The following RBFOX1 variants were observed in gnomAD, a reference collection of about 807,000 sequenced individuals.
RBFOX1 encodes the protein RNA binding fox-1 homolog 1.
In RBFOX1, 8 loss-of-function variants were observed where a neutral mutation model predicts 57.7. That is an observed-to-expected ratio of 0.14 (90% CI 0.08 to 0.25). The LOEUF (loss-of-function observed/expected upper bound fraction) is 0.25, where lower values mean the gene tolerates loss of function less well. Ranked by LOEUF, RBFOX1 falls within the 10% of genes least tolerant of loss-of-function variation. The pLI, the probability that RBFOX1 is intolerant of heterozygous loss-of-function variation, is 1.00. For synonymous variants in RBFOX1, 326 were observed against 222.4 expected, an observed-to-expected ratio of 1.47 and a Z score of -4.15; for missense variants, 611 against 548.5, an observed-to-expected ratio of 1.11 and a Z score of -1.14.
intron 2 of RBFOX1, among the ~76,000 whole-genome samples, chr16:6,495,973 T>C (rs2095757532): frequency 6.6e-6 from 1 of 152,218 alleles, no homozygotes; most frequent in Non-Finnish European, 1.5e-5. Flanking sequence ...GCTTATAAAG[T>C]ATTTAATATT....
chr16:5,835,909 C>G (rs1013938226), intron 3 of RBFOX1, among the ~76,000 whole-genome samples: 3 of 152,294 alleles, frequency 2.0e-5, no homozygotes, highest in Non-Finnish European at 4.4e-5. Flanking sequence ...CCTGGCCTTG[C>G]TCCTTGCACC....
chr16:5,501,337 A>AAAAAAAAAAAAAAAAAAAAAAT (rs2043190241), intron 2 of RBFOX1, among the ~76,000 whole-genome samples: 1 of 151,012 alleles, frequency 6.6e-6, no homozygotes, highest in Non-Finnish European at 1.5e-5. Context: ...AAAAAAAAAA[A>AAAAAAAAAAAAAAAAAAAAAAT]AAAAGAAAAA....
intron 1 of RBFOX1, among the ~76,000 whole-genome samples, chr16:5,294,716 G>T (rs2063619895): frequency 6.6e-6 from 1 of 151,958 alleles, no homozygotes; most frequent in African/African-American, 2.4e-5. Flanking sequence ...TGACCACTGG[G>T]GTGTTGCACT....
At chr16:6,640,539 C>T (rs538735784) in intron 2 of RBFOX1, among the ~76,000 whole-genome samples, 4 of 152,150 alleles carry the variant, frequency 2.6e-5, no homozygotes, top group South Asian at 2.1e-4. Flanking sequence ...ACCCGGGAAG[C>T]GGAGATTGCA....
chr16:6,589,018 T>C (rs1411115226), intron 2 of RBFOX1, among the ~76,000 whole-genome samples: 1 of 152,136 alleles, frequency 6.6e-6, no homozygotes, highest in Non-Finnish European at 1.5e-5. Flanking sequence ...CATCCCTTCA[T>C]CATTGAGGAA....
chr16:7,139,089 C>T (rs1205639547), intron 4 of RBFOX1, among the ~76,000 whole-genome samples: 1 of 152,006 alleles, frequency 6.6e-6, no homozygotes, highest in Non-Finnish European at 1.5e-5. Context: ...CAGGCATGAG[C>T]CACCATGCAT....
At chr16:5,772,331 C>G (rs575429579) in intron 3 of RBFOX1, among the ~76,000 whole-genome samples, 2 of 151,268 alleles carry the variant, frequency 1.3e-5, no homozygotes, top group African/African-American at 4.9e-5. Context: ...GCCGCCTCTC[C>G]TAACATCTTC....
Position 5,596,998 on chromosome 16 carries a change from C to G in RBFOX1, c.259-1904C>G, listed in dbSNP as rs112312331. Among the ~76,000 whole-genome samples the G allele has an allele frequency of 4.0e-3, 605 of 152,194 alleles. 4 individuals are homozygous for G. The highest frequency in any genetic ancestry group is 0.014 in the African/African-American group (577 of 41,534). The stretch of plus-strand genomic sequence containing the variant: ...TCTTGGTCACCAGATTTTTCCATGA[C>G]CAATGTCTACTAGAAAACTGCAAAA... On this transcript the variant is annotated intron_variant, in intron 2 of 2. Coordinates refer to the RBFOX1 transcript ENST00000585867.
At chr16:6,058,939 GCTTT>G (rs1452184898) in intron 1 of RBFOX1, among the ~76,000 whole-genome samples, 6 of 152,130 alleles carry the variant, frequency 3.9e-5, no homozygotes, top group Admixed American at 3.9e-4. Context: ...CTTCACTCTA[GCTTT>G]CTTTTCTGTG....
At chr16:5,594,958 C>G (rs1216767734) in intron 2 of RBFOX1, among the ~76,000 whole-genome samples, 1 of 131,116 alleles carries the variant, frequency 7.6e-6, no homozygotes. Context: ...ATGGTAAAAC[C>G]CTGTCTCTAC....
At chr16:7,322,494 A>G (rs1215525449) in intron 4 of RBFOX1, among the ~76,000 whole-genome samples, 3 of 152,230 alleles carry the variant, frequency 2.0e-5, no homozygotes, top group Non-Finnish European at 2.9e-5. Context: ...AGTAGAAAGT[A>G]CAGCACATCT....
At chr16:5,571,723 C>A (rs1226563386) in intron 2 of RBFOX1, among the ~76,000 whole-genome samples, 1 of 152,202 alleles carries the variant, frequency 6.6e-6, no homozygotes, top group East Asian at 1.9e-4. Context: ...ACAACCACCT[C>A]CTCCTCGCTA....
intron 4 of RBFOX1, among the ~76,000 whole-genome samples, chr16:7,111,151 T>G (rs2064681599): frequency 6.6e-6 from 1 of 152,184 alleles, no homozygotes; most frequent in Admixed American, 6.6e-5. Flanking sequence ...CATAAATTGA[T>G]GATTTCAAGA....
At position 5,274,223 on chromosome 16, in the gene RBFOX1, C is replaced by T. The variant is rs539362976; in HGVS notation, c.219+34118C>T. The stretch of plus-strand genomic sequence containing the variant: ...AAGAAGAAGGTTCCAGCATCACTTC[C>T]GGCCTCTCAAGAGTGAGTTAGGTGT... On this transcript the variant is annotated intron_variant, in intron 1 of 2. Coordinates refer to the RBFOX1 transcript ENST00000585867. Among the ~76,000 whole-genome samples the T allele has an allele frequency of 4.6e-5, 7 of 152,232 alleles. No individual in the cohort carries two copies. In the South Asian group the frequency reaches 8.3e-4, roughly 18 times the overall value.
intron 14 of RBFOX1, among the ~76,000 whole-genome samples, chr16:7,698,709 T>C (rs997511561): frequency 3.9e-5 from 6 of 152,188 alleles, no homozygotes; most frequent in Non-Finnish European, 8.8e-5. Context: ...TTGTGGCTAA[T>C]TGGTCCATTT....
In RBFOX1 at chr16:6,284,873, G is replaced by T. The variant is rs898554462; in HGVS notation, c.-126-32122G>T. Among the ~76,000 whole-genome samples, 7 of 152,068 alleles carry T rather than the reference G, an allele frequency of 4.6e-5. No homozygotes were observed. In the East Asian group the frequency reaches 7.7e-4, roughly 17 times the overall value. On this transcript the variant is annotated intron_variant, in intron 1 of 15. Transcript: ENST00000550418. ...GAACACATTGTTCTTCTCATTAAAGGCTTATTAACTGCAGTTTGTGAAATG... is the reference window on the plus strand; with the variant it reads ...GAACACATTGTTCTTCTCATTAAAGTCTTATTAACTGCAGTTTGTGAAATG...
At chr16:5,444,821 A>C (rs971127700) in intron 1 of RBFOX1, among the ~76,000 whole-genome samples, 1 of 152,220 alleles carries the variant, frequency 6.6e-6, no homozygotes, top group Non-Finnish European at 1.5e-5. Context: ...GAACTGTATG[A>C]AACTGCCATT....
chr16:6,965,239 C>G (rs2083864814), intron 3 of RBFOX1, among the ~76,000 whole-genome samples: 1 of 152,000 alleles, frequency 6.6e-6, no homozygotes, highest in South Asian at 2.1e-4. Flanking sequence ...GCTTTGCACT[C>G]ATTTGGGTGT....
chr16:5,247,300 A>C (rs1344319677), intron 1 of RBFOX1, among the ~76,000 whole-genome samples: 1 of 152,194 alleles, frequency 6.6e-6, no homozygotes, highest in African/African-American at 2.4e-5. Context: ...CAAAGCCCCT[A>C]TCCTTCCACG....
Sources: gnomAD v4.1 joint callset for allele counts (sites outside exome capture counted in the v4.1 genomes callset) on GRCh38, gnomAD v4.1.1 for gene constraint, MANE v1.5 for transcripts, NCBI Gene and HGNC (gene_info 2026-07-23, HGNC 2026-07-21) for gene names.